The following GLRX3 variants were observed in gnomAD, a reference collection of about 807,000 sequenced individuals.
GLRX3 encodes the protein glutaredoxin 3, also known as glutaredoxin-3.
Under a neutral mutation model 49.5 loss-of-function variants are expected in GLRX3, and 22 were observed. The ratio of observed to expected loss-of-function variants is 0.44; its 90% CI spans 0.32 to 0.63. The LOEUF (loss-of-function observed/expected upper bound fraction) is 0.63. Ranked by LOEUF, GLRX3 falls within the 30% of genes least tolerant of loss-of-function variation. GLRX3 has a pLI of 0.05. For missense variants in GLRX3, 385 were observed against 396.3 expected (o/e 0.97, Z 0.24); for synonymous variants, 133 against 140.0 (o/e 0.95, Z 0.35).
chr10:130,152,957 T>G (rs981803269), intron 2 of GLRX3, among the ~76,000 whole-genome samples: 1 of 152,194 alleles, frequency 6.6e-6, no homozygotes, highest in South Asian at 2.1e-4. Flanking sequence ...GTAGATTTGG[T>G]CTTTTCACAT....
chr10:130,139,226 G>A (rs72848303), intron 1 of GLRX3, among the ~76,000 whole-genome samples: 14,344 of 152,138 alleles, frequency 0.094, 856 homozygotes, highest in Non-Finnish European at 0.13. Flanking sequence ...TACTTGAAAT[G>A]GCCCAGGAAA....
chr10:130,155,092 C>T (rs141831393), intron 2 of GLRX3, among the ~76,000 whole-genome samples: 2,895 of 152,206 alleles, frequency 0.019, 104 homozygotes, highest in African/African-American at 0.067. Context: ...CCACCTTGGC[C>T]TCCCAAAGTG....
chr10:130,171,280 G>A (rs1862802702), intron 7 of GLRX3, among the ~76,000 whole-genome samples: 1 of 152,152 alleles, frequency 6.6e-6, no homozygotes, highest in South Asian at 2.1e-4. Flanking sequence ...TCAAATCTCT[G>A]TAGAAAATCT....
chr10:130,169,518 G>A lies in GLRX3; in HGVS notation c.771+28G>A, dbSNP rs994024396. 4.1e-6 allele frequency: 6 copies of A among 1,458,232 alleles called. No individual in the cohort carries two copies. In the South Asian group the frequency reaches 6.8e-5, roughly 17 times the overall value. The allele number at this position is 1,458,232 out of a possible 1,614,324, so 90.3% of individuals were successfully genotyped here. A position where few individuals can be genotyped will look rare whatever the true frequency, so the allele number is the denominator to read the frequency against. On this transcript the variant is annotated intron_variant, in intron 7 of 10. Coordinates refer to ENST00000331244, the MANE Select transcript of GLRX3 (RefSeq NM_006541.5). ...AAAGAACTCAAAAATGGTTTTATTT[G>A]TAATTTCTTTTGATGTTAACATCTG...
At chr10:130,149,523 G>T (rs527540442) in intron 2 of GLRX3, among the ~76,000 whole-genome samples, 9 of 151,604 alleles carry the variant, frequency 5.9e-5, no homozygotes, top group Admixed American at 1.3e-4. Flanking sequence ...AAATGTTTTA[G>T]TGCCTTTTAT....
At chr10:130,167,112 G>C (rs1316909879) in intron 6 of GLRX3, 132 bp downstream of exon 6, 3 of 525,570 alleles carry the variant, frequency 5.7e-6, no homozygotes, top group East Asian at 6.7e-5. Flanking sequence ...TAATTGTTTA[G>C]TCACATTAGC....
chr10:130,179,210 A>G (rs1862979422), intron 10 of GLRX3, 132 bp from the exon 11 acceptor site: 1 of 562,504 alleles, frequency 1.8e-6, no homozygotes, highest in Non-Finnish European at 3.1e-6. Flanking sequence ...TGAGAGTGTT[A>G]AGAGACTGGA....
chr10:130,160,808 A>G lies in GLRX3; in HGVS notation c.289A>G (p.Ile97Val). 2 of 1,591,462 alleles carry G rather than the reference A, an allele frequency of 1.3e-6. No homozygotes were observed. Among genetic ancestry groups the G allele is most frequent in the Admixed American group, 1.7e-5 (1 of 59,986 alleles). Residue 97 changes from isoleucine to valine, a missense_variant, in exon 4 of 11, where the codon ATC (isoleucine) becomes GTC (valine). Coordinates refer to ENST00000331244, the MANE Select transcript of GLRX3 (RefSeq NM_006541.5). ...TFLFFKNSQK[I>V]DRLDGAHAPE... ...TTTTAAACTTTAGAATTCTCAGAAA[A>G]TCGACCGATTAGATGGTGCACATGC...
At chr10:130,144,006 A>G (rs986174576) in intron 1 of GLRX3, among the ~76,000 whole-genome samples, 1 of 152,048 alleles carries the variant, frequency 6.6e-6, no homozygotes, top group African/African-American at 2.4e-5. Context: ...GTCTAGAAAA[A>G]TCTTTTGTAG....
intron 2 of GLRX3, among the ~76,000 whole-genome samples, chr10:130,154,071 G>A (rs1174797771): frequency 3.3e-5 from 5 of 152,348 alleles, no homozygotes; most frequent in African/African-American, 1.2e-4. Context: ...AAGCTTCAGT[G>A]TCCTAGGTCG....
intron 2 of GLRX3, among the ~76,000 whole-genome samples, chr10:130,155,795 A>C (rs1862460685): frequency 6.6e-6 from 1 of 152,172 alleles, no homozygotes; most frequent in African/African-American, 2.4e-5. Context: ...ATAGGCATAG[A>C]AGAGGACTCA....
Position 130,174,921 on chromosome 10 carries a change from T to A in GLRX3, c.864+15T>A, listed in dbSNP as rs1208382652. 1 of 1,593,664 alleles carries A rather than the reference T, an allele frequency of 6.3e-7. No individual in the cohort carries two copies. Among genetic ancestry groups the A allele is most frequent in the East Asian group, 2.2e-5 (1 of 44,766 alleles). ...AGGATGAAGAAGTAAGTTCTGTGTT[T>A]GATGTTTCACCCTTGTCTTAGCTTT... On this transcript the variant is annotated intron_variant, in intron 9 of 10. Transcript: ENST00000331244.
intron 2 of GLRX3, among the ~76,000 whole-genome samples, chr10:130,156,924 C>T (rs1862481147): frequency 6.6e-6 from 1 of 152,132 alleles, no homozygotes; most frequent in African/African-American, 2.4e-5. Flanking sequence ...GACATGTAAT[C>T]TTTATTTTTG....
At chr10:130,178,967 G>A (rs921785384) in intron 10 of GLRX3, among the ~76,000 whole-genome samples, 4 of 152,082 alleles carry the variant, frequency 2.6e-5, no homozygotes, top group Admixed American at 1.3e-4. Context: ...GCCTCCCAAC[G>A]TGCTGGGATT....
At chr10:130,175,633 G>A (rs564543072) in intron 10 of GLRX3, among the ~76,000 whole-genome samples, 1 of 152,212 alleles carries the variant, frequency 6.6e-6, no homozygotes, top group Non-Finnish European at 1.5e-5. Flanking sequence ...CTGATGCTTT[G>A]TGTATTTTAG....
intron 1 of GLRX3, among the ~76,000 whole-genome samples, chr10:130,139,685 C>G (rs908959815): frequency 6.6e-6 from 1 of 151,230 alleles, no homozygotes; most frequent in African/African-American, 2.4e-5. Flanking sequence ...TGGCTTACAC[C>G]AGCAAACCCA....
At chr10:130,161,974 T>C (rs950148198) in intron 4 of GLRX3, among the ~76,000 whole-genome samples, 4 of 152,222 alleles carry the variant, frequency 2.6e-5, no homozygotes, top group Admixed American at 2.0e-4. Context: ...TAAAGTTTCA[T>C]GATGAATTCT....
At position 130,160,852 on chromosome 10, in the gene GLRX3, A is replaced by T; in HGVS notation, c.333A>T (p.Lys111Asn). The change falls in exon 4 of 11, where the codon AAA becomes AAT. Residue 111 changes from lysine (K) to asparagine (N), a missense_variant. Physicochemically the swap from Lys to Asn is moderately conservative, Grantham distance 94 (BLOSUM62 0). Coordinates refer to ENST00000331244, the MANE Select transcript of GLRX3 (RefSeq NM_006541.5). Reference protein sequence around the residue: ...DGAHAPELTKKVQRHASSGSF... With the variant: ...DGAHAPELTKNVQRHASSGSF... Reference sequence around the variant, plus strand: ...CACATGCCCCAGAGTTGACCAAAAAAGTTCAGCGACATGCATCTAGTGGCT... The same window carrying T: ...CACATGCCCCAGAGTTGACCAAAAATGTTCAGCGACATGCATCTAGTGGCT... The T allele has an allele frequency of 6.2e-7, 1 of 1,611,654 alleles. No homozygotes were observed. The highest frequency in any genetic ancestry group is 1.3e-5 in the African/African-American group (1 of 75,026).
At chr10:130,159,408 A>G (rs1000351167) in intron 2 of GLRX3, among the ~76,000 whole-genome samples, 1 of 152,244 alleles carries the variant, frequency 6.6e-6, no homozygotes, top group South Asian at 2.1e-4. Context: ...AGGTATTTAC[A>G]TTGTAAATAG....
Sources: gnomAD v4.1 joint callset for allele counts (sites outside exome capture counted in the v4.1 genomes callset) on GRCh38, gnomAD v4.1.1 for gene constraint, MANE v1.5 for transcripts, NCBI Gene and HGNC (gene_info 2026-07-23, HGNC 2026-07-21) for gene names.